Variants in DAGLA observed in about 807,000 individuals in gnomAD.
DAGLA encodes diacylglycerol lipase alpha, also known as diacylglycerol lipase-alpha.
Under a neutral mutation model 102.6 loss-of-function variants are expected in DAGLA, and 22 were observed. The ratio of observed to expected loss-of-function variants is 0.21; its 90% CI spans 0.15 to 0.31. The LOEUF is 0.31. Ranked by LOEUF, DAGLA falls within the 10% of genes least tolerant of loss-of-function variation. The pLI, the probability that DAGLA is intolerant of heterozygous loss-of-function variation, is 1.00. For synonymous variants in DAGLA, 578 were observed against 628.9 expected (o/e 0.92, Z 1.21); for missense variants, 927 against 1,446.6 (o/e 0.64, Z 5.83).
At chr11:61,690,550 C>T (rs1234307986) in intron 1 of DAGLA, among the ~76,000 whole-genome samples, 1 of 152,076 alleles carries the variant, frequency 6.6e-6, no homozygotes, top group African/African-American at 2.4e-5. Context: ...AGACACTCAC[C>T]CCTCTAGGCT....
chr11:61,738,054 C>A, intron 15 of DAGLA, 81 bp from the exon 16 acceptor site: 1 of 1,144,760 alleles, frequency 8.7e-7, no homozygotes, highest in Non-Finnish European at 1.3e-6. Context: ...AGGCGTGTGC[C>A]TGCCCCTCCG....
chr11:61,708,629 C>G (rs1454642297), intron 1 of DAGLA, among the ~76,000 whole-genome samples: 2 of 152,054 alleles, frequency 1.3e-5, no homozygotes, highest in African/African-American at 2.4e-5. Context: ...GTGATCCACC[C>G]GCCTCGGCCT....
At position 61,737,696 on chromosome 11, in the gene DAGLA, G is replaced by C; in HGVS notation, c.1524G>C (p.Ala508=). 1 of 1,613,548 alleles carries C rather than the reference G, an allele frequency of 6.2e-7. No individual in the cohort carries two copies. The highest frequency in any genetic ancestry group is 1.3e-5 in the African/African-American group (1 of 74,886). The change falls in exon 15 of 20, where the codon GCG becomes GCC. Residue 508 remains alanine, a synonymous_variant. Transcript: ENST00000257215. The part of the protein sequence containing the change: ...SPPGGLLSED[A]MEYSKEFVTA... ...TCGGCTTCCCTTGCAGTGAGGATGC[G>C]ATGGAGTATTCCAAGGAGTTCGTGA...
At chr11:61,728,552 T>C (rs1031477781) in intron 7 of DAGLA, among the ~76,000 whole-genome samples, 1 of 152,194 alleles carries the variant, frequency 6.6e-6, no homozygotes, top group African/African-American at 2.4e-5. Flanking sequence ...TCAAAGGACT[T>C]CTAACCACAG....
At chr11:61,699,854 AGCCCTGCATTAGCTGTGCTGCTCACACC>A (rs1291333247) in intron 1 of DAGLA, among the ~76,000 whole-genome samples, 1 of 151,998 alleles carries the variant, frequency 6.6e-6, no homozygotes, top group Non-Finnish European at 1.5e-5. Context: ...TGCTTTTCCC[AGCCCTGCATTAGCTGTGCTGCTCACACC>A]TGGCTGACTG....
In DAGLA at chr11:61,699,472, A is replaced by C. The variant is rs12273570; in HGVS notation, c.-45+18968A>C. The stretch of plus-strand genomic sequence containing the variant: ...CCTCTTCTGTGCCAAATCCTTTCTC[A>C]GTGGTCCCACATGGGCCTCATCCCA... On this transcript the variant is annotated intron_variant, in intron 1 of 19. Coordinates refer to ENST00000257215, the MANE Select transcript of DAGLA (RefSeq NM_006133.3). Among the ~76,000 whole-genome samples, 1,130 of 152,238 alleles carry C rather than the reference A, an allele frequency of 7.4e-3. 19 individuals carry two copies. The highest frequency in any genetic ancestry group is 0.026 in the African/African-American group (1,087 of 41,546).
intron 1 of DAGLA, among the ~76,000 whole-genome samples, chr11:61,689,211 GAA>G (rs2065006803): frequency 1.3e-5 from 2 of 152,242 alleles, no homozygotes; most frequent in African/African-American, 4.8e-5. Flanking sequence ...GCAGGCTGCA[GAA>G]TCACTGCGCA....
chr11:61,693,700 G>A lies in DAGLA; in HGVS notation c.-45+13196G>A, dbSNP rs564132325. Among the ~76,000 whole-genome samples, 7 of 152,270 alleles carry A rather than the reference G, an allele frequency of 4.6e-5. No homozygotes were observed. In the South Asian group the frequency reaches 8.3e-4, roughly 18 times the overall value. The stretch of plus-strand genomic sequence containing the variant: ...TCAGCGTGTCTGGTCTGGGGTCCCC[G>A]GTCACAGTGCACCTGCCCTGCCTGA... On this transcript the variant is annotated intron_variant, in intron 1 of 19. Transcript: ENST00000257215.
intron 1 of DAGLA, among the ~76,000 whole-genome samples, chr11:61,716,266 A>G (rs2065235095): frequency 1.3e-5 from 2 of 152,066 alleles, no homozygotes; most frequent in South Asian, 4.1e-4. Context: ...ACACAGTGTG[A>G]CCAGGGCCAT....
rs948576200 is a variant in DAGLA at position 61,745,988 on chromosome 11, CT to C, written c.*1500del. On this transcript the variant is annotated 3_prime_UTR_variant, in exon 20 of 20. Transcript: ENST00000257215. ...GTGTACCGAGGCGCTGACTGCACGG[CT>C]GACCGCCTGCTCGTGCCTTCATTCT... is the stretch of plus-strand genomic sequence containing the variant. 2.0e-5 allele frequency: 3 copies of C among 152,444 alleles called. No homozygotes were observed. The highest frequency in any genetic ancestry group is 4.4e-5 in the Non-Finnish European group (3 of 68,084). The allele number at this position is 152,444 out of a possible 1,614,324, so 9.4% of individuals were successfully genotyped here.
In DAGLA at chr11:61,726,097, G is replaced by T; in HGVS notation, c.636+15G>T. On this transcript the variant is annotated intron_variant, in intron 6 of 19. Transcript: ENST00000257215. ...ACTCCCAGTCAGTAAGTACTGGGAG[G>T]TCGCTCCCCTCTGGCTCACATCCTG... 6.2e-7 allele frequency: 1 copy of T among 1,605,252 alleles called. No individual in the cohort carries two copies. Among genetic ancestry groups the T allele is most frequent in the Non-Finnish European group, 8.5e-7 (1 of 1,175,868 alleles).
chr11:61,731,479 C>G (rs2065374528), intron 9 of DAGLA, 38 bp downstream of exon 9: 1 of 1,608,688 alleles, frequency 6.2e-7, no homozygotes. Context: ...GATTGCACCT[C>G]TCCTCCCGGG....
chr11:61,694,041 G>A (rs2065044929), intron 1 of DAGLA, among the ~76,000 whole-genome samples: 1 of 152,256 alleles, frequency 6.6e-6, no homozygotes, highest in Non-Finnish European at 1.5e-5. Context: ...CATAGGATAT[G>A]CTCGGAGAGT....
At chr11:61,723,242 CTTGGGG>C (rs2065298930) in intron 4 of DAGLA, among the ~76,000 whole-genome samples, 186 bp from the exon 5 acceptor site, 1 of 152,104 alleles carries the variant, frequency 6.6e-6, no homozygotes, top group Admixed American at 6.5e-5. Flanking sequence ...AAGAGTGGCC[CTTGGGG>C]TTGTGGGTGG....
chr11:61,681,503 C>T (rs940485860), intron 1 of DAGLA, among the ~76,000 whole-genome samples: 5 of 152,020 alleles, frequency 3.3e-5, no homozygotes, highest in South Asian at 2.1e-4. Context: ...CCCGGGTCAG[C>T]GAGTGAGGGA....
At chr11:61,729,037 C>T in intron 8 of DAGLA, 29 bp downstream of exon 8, 1 of 1,594,108 alleles carries the variant, frequency 6.3e-7, no homozygotes, top group Middle Eastern at 1.7e-4. Context: ...CTCACCCCAC[C>T]CCGTCCCCAT....
intron 6 of DAGLA, among the ~76,000 whole-genome samples, chr11:61,727,498 G>A (rs1436332976): frequency 1.3e-5 from 2 of 152,238 alleles, no homozygotes; most frequent in Non-Finnish European, 2.9e-5. Context: ...GCCAGGAAGG[G>A]AAGACTAAGA....
chr11:61,720,669 C>T lies in DAGLA; in HGVS notation c.96-10C>T, dbSNP rs1204554096. ...ACCTGGCCTTGCTCACACGGGCGTT[C>T]CTGTGACAGGTTTGTGATCCTGTCC... On this transcript the variant is annotated splice_polypyrimidine_tract_variant and intron_variant, in intron 2 of 19. Transcript: ENST00000257215. 4.3e-6 allele frequency: 7 copies of T among 1,613,012 alleles called. No homozygotes were observed. Among genetic ancestry groups the T allele is most frequent in the Non-Finnish European group, 5.1e-6 (6 of 1,179,688 alleles).
rs964904083 is a variant in DAGLA, at chr11:61,746,318, G to A, written c.*1829G>A. On this transcript the variant is annotated 3_prime_UTR_variant, in exon 20 of 20. Transcript: ENST00000257215. Reference sequence around the variant, plus strand: ...CCAGCACAGAAGCAAGACAAAATCAGTGGCTCTTAGAGTTTAGAAAACAAG... The same window carrying A: ...CCAGCACAGAAGCAAGACAAAATCAATGGCTCTTAGAGTTTAGAAAACAAG... 3.3e-5 allele frequency: 5 copies of A among 152,476 alleles called. No homozygotes were observed. The highest frequency in any genetic ancestry group is 1.2e-4 in the African/African-American group (5 of 41,466). 9.4% of individuals were successfully genotyped at this position (152,476 alleles called of 1,614,324 possible).
Sources: allele counts gnomAD v4.1 joint callset (sites outside exome capture counted in the v4.1 genomes callset), GRCh38; gene constraint gnomAD v4.1.1; transcripts MANE v1.5; gene names NCBI Gene and HGNC (gene_info 2026-07-23, HGNC 2026-07-21).